Variants in ATRNL1 observed in about 807,000 individuals in gnomAD.
ATRNL1 encodes the protein attractin like 1, also known as attractin-like protein 1.
ATRNL1 carries 95 observed loss-of-function variants against 182.7 expected under a neutral mutation model. The ratio of observed to expected loss-of-function variants is 0.52; its 90% CI spans 0.44 to 0.62. The LOEUF (loss-of-function observed/expected upper bound fraction) is 0.62. Ranked by LOEUF, ATRNL1 falls within the 20% of genes least tolerant of loss-of-function variation. The pLI is 0.00. For missense variants in ATRNL1, 1,471 were observed against 1,679.5 expected, an observed-to-expected ratio of 0.88 and a Z score of 2.17; for synonymous variants, 576 against 568.3, an observed-to-expected ratio of 1.01 and a Z score of -0.19.
intron 5 of ATRNL1, among the ~76,000 whole-genome samples, chr10:115,151,523 T>A (rs1486836587): frequency 6.6e-6 from 1 of 152,226 alleles, no homozygotes; most frequent in Non-Finnish European, 1.5e-5. Flanking sequence ...ATGTCTTCTT[T>A]TGAGAAGTGT....
intron 26 of ATRNL1, among the ~76,000 whole-genome samples, chr10:115,630,334 A>T (rs1858401952): frequency 6.6e-6 from 1 of 152,108 alleles, no homozygotes; most frequent in African/African-American, 2.4e-5. Flanking sequence ...ATCTGATAGG[A>T]TGCCTGTTAT....
At chr10:115,931,730 C>A (rs1555121662) in intron 28 of ATRNL1, among the ~76,000 whole-genome samples, 1 of 152,218 alleles carries the variant, frequency 6.6e-6, no homozygotes, top group African/African-American at 2.4e-5. Context: ...AAATGACATT[C>A]TGTAATGACA....
chr10:115,623,648 T>A (rs1857914707), intron 26 of ATRNL1, among the ~76,000 whole-genome samples: 1 of 152,054 alleles, frequency 6.6e-6, no homozygotes, highest in African/African-American at 2.4e-5. Flanking sequence ...CAAAAATTTT[T>A]AAAAAATTAA....
At chr10:115,353,378 G>A (rs1471781381) in intron 19 of ATRNL1, among the ~76,000 whole-genome samples, 1 of 152,020 alleles carries the variant, frequency 6.6e-6, no homozygotes, top group African/African-American at 2.4e-5. Context: ...TCTGACATAG[G>A]TATAGCTATT....
intron 22 of ATRNL1, among the ~76,000 whole-genome samples, chr10:115,464,582 T>C (rs1324904168): frequency 6.6e-6 from 1 of 151,928 alleles, no homozygotes; most frequent in South Asian, 2.1e-4. Flanking sequence ...AATTCAGCAT[T>C]GCCTAAACTT....
chr10:115,436,186 G>C (rs182996336), intron 21 of ATRNL1, among the ~76,000 whole-genome samples: 4 of 152,024 alleles, frequency 2.6e-5, no homozygotes, highest in Admixed American at 2.6e-4. Context: ...TTTCTTCATT[G>C]AACATTTCTT....
At chr10:115,824,323 C>T (rs560531935) in intron 27 of ATRNL1, among the ~76,000 whole-genome samples, 2 of 152,212 alleles carry the variant, frequency 1.3e-5, no homozygotes, top group African/African-American at 2.4e-5. Context: ...ACCATAGAAA[C>T]CCTAGAAGAA....
intron 20 of ATRNL1, among the ~76,000 whole-genome samples, chr10:115,396,435 G>A (rs1311072213): frequency 6.6e-6 from 1 of 151,940 alleles, no homozygotes. Flanking sequence ...ACTTGGTTTA[G>A]TGCTCTGCTA....
At chr10:115,573,281 C>A (rs542899190) in intron 26 of ATRNL1, among the ~76,000 whole-genome samples, 6 of 152,234 alleles carry the variant, frequency 3.9e-5, no homozygotes, top group Admixed American at 3.9e-4. Context: ...TGGCCGGACT[C>A]TTTCCTGACT....
chr10:115,547,816 A>T (rs531976252), intron 25 of ATRNL1, among the ~76,000 whole-genome samples: 1 of 152,362 alleles, frequency 6.6e-6, no homozygotes, highest in South Asian at 2.1e-4. Flanking sequence ...TTTCTAGAAA[A>T]TCATGGTGAC....
At chr10:115,431,576 ATTTATTCCCTTTACTACTTT>A (rs1846167531) in intron 21 of ATRNL1, among the ~76,000 whole-genome samples, 1 of 151,934 alleles carries the variant, frequency 6.6e-6, no homozygotes, top group African/African-American at 2.4e-5. Context: ...TGTATTTTTT[ATTTATTCCCTTTACTACTTT>A]TATGTATGTA....
intron 20 of ATRNL1, among the ~76,000 whole-genome samples, chr10:115,404,485 A>G (rs1421959795): frequency 6.6e-6 from 1 of 152,222 alleles, no homozygotes; most frequent in Non-Finnish European, 1.5e-5. Context: ...GGAATAGCCC[A>G]GATCCTGGAA....
At chr10:115,698,215 A>C (rs78019549) in intron 26 of ATRNL1, among the ~76,000 whole-genome samples, 2,564 of 152,272 alleles carry the variant, frequency 0.017, 59 homozygotes, top group African/African-American at 0.056. Context: ...CTACTAATTT[A>C]ATGCTCATGA....
chr10:115,272,254 G>T (rs1433251723), intron 13 of ATRNL1, among the ~76,000 whole-genome samples: 1 of 152,132 alleles, frequency 6.6e-6, no homozygotes, highest in African/African-American at 2.4e-5. Flanking sequence ...AACACACAGG[G>T]TGTAGGGTAT....
chr10:115,724,266 C>A (rs75730870), intron 26 of ATRNL1, among the ~76,000 whole-genome samples: 2,050 of 152,230 alleles, frequency 0.013, 40 homozygotes, highest in African/African-American at 0.046. Flanking sequence ...AGTTCCAAAT[C>A]TAAATTCATT....
At chr10:115,874,781 A>G (rs1400468534) in intron 28 of ATRNL1, among the ~76,000 whole-genome samples, 2 of 152,202 alleles carry the variant, frequency 1.3e-5, no homozygotes, top group Non-Finnish European at 2.9e-5. Flanking sequence ...CAGAAATCAG[A>G]GTTCTTTGGA....
intron 5 of ATRNL1, among the ~76,000 whole-genome samples, chr10:115,140,646 T>A (rs564899885): frequency 2.0e-4 from 30 of 152,348 alleles, no homozygotes; most frequent in African/African-American, 7.2e-4. Flanking sequence ...AATGTCCTGC[T>A]CAATCCTATT....
intron 26 of ATRNL1, among the ~76,000 whole-genome samples, chr10:115,626,650 A>G (rs1478409847): frequency 6.6e-6 from 1 of 152,186 alleles, no homozygotes; most frequent in Non-Finnish European, 1.5e-5. Context: ...CTAGCAATGA[A>G]CTTGCAAATC....
intron 27 of ATRNL1, among the ~76,000 whole-genome samples, chr10:115,771,537 T>A (rs781939686): frequency 4.6e-5 from 7 of 152,204 alleles, no homozygotes; most frequent in Non-Finnish European, 1.0e-4. Flanking sequence ...GCCAGAATTC[T>A]TACTTCTTAT....
Sources: gnomAD v4.1 joint callset for allele counts (sites outside exome capture counted in the v4.1 genomes callset) on GRCh38, gnomAD v4.1.1 for gene constraint, MANE v1.5 for transcripts, NCBI Gene and HGNC (gene_info 2026-07-23, HGNC 2026-07-21) for gene names.